The following NIPBL variants were observed in gnomAD, a reference collection of about 807,000 sequenced individuals.
NIPBL encodes the protein NIPBL cohesin loading factor, also known as nipped-B-like protein.
A neutral mutation model predicts 321.8 loss-of-function variants in NIPBL; 19 were observed. The observed-to-expected ratio is 0.06, with a 90% CI of 0.04 to 0.09. The LOEUF (loss-of-function observed/expected upper bound fraction) is 0.09, where lower values mean the gene tolerates loss of function less well. Among genes scored for constraint, NIPBL ranks in the 10% least tolerant of loss-of-function variants. The pLI is 1.00. For missense variants in NIPBL, 2,210 were observed against 3,327.0 expected, an observed-to-expected ratio of 0.66 and a Z score of 8.26; for synonymous variants, 1,106 against 1,114.1, an observed-to-expected ratio of 0.99 and a Z score of 0.14.
chr5:36,934,104 T>C (rs1320846890), intron 1 of NIPBL, among the ~76,000 whole-genome samples: 1 of 152,114 alleles, frequency 6.6e-6, no homozygotes, highest in Non-Finnish European at 1.5e-5. Context: ...ATGAACTTGC[T>C]CAGCATCCAG....
intron 4 of NIPBL, among the ~76,000 whole-genome samples, chr5:36,960,241 C>T (rs902320911): frequency 2.0e-5 from 3 of 151,888 alleles, no homozygotes; most frequent in South Asian, 2.1e-4. Flanking sequence ...TTCATTTACC[C>T]GTTTTATTTA....
At chr5:36,898,669 G>A (rs752932439) in intron 1 of NIPBL, among the ~76,000 whole-genome samples, 47 of 151,972 alleles carry the variant, frequency 3.1e-4, no homozygotes, top group South Asian at 6.3e-4. Context: ...GCGCCATCAC[G>A]CCCACCCAAT....
chr5:37,022,012 A>G lies in NIPBL; in HGVS notation c.5329-39A>G, dbSNP rs372619893. On this transcript the variant is annotated intron_variant, in intron 27 of 46. Coordinates refer to ENST00000282516, the MANE Select transcript of NIPBL (RefSeq NM_133433.4). Reference sequence around the variant, plus strand: ...TGCTATTTTTAATTAAATTTTATGTATTCTAAAATTTACAAAAATGTCAAT... The same window carrying G: ...TGCTATTTTTAATTAAATTTTATGTGTTCTAAAATTTACAAAAATGTCAAT... The G allele has an allele frequency of 1.3e-4, 189 of 1,463,814 alleles. No individual in the cohort carries two copies. In the Middle Eastern group the frequency reaches 1.6e-3, roughly 12 times the overall value. The allele number at this position is 1,463,814 out of a possible 1,614,324, so 90.7% of individuals were successfully genotyped here.
At position 37,044,501 on chromosome 5, in the gene NIPBL, T is replaced by G. The variant is rs2149730972; in HGVS notation, c.6249+14T>G. ...TATGGCATGACTGTAAGCACTCAGT[T>G]TACCATTTCTTTATTCATTAGTGTA... On this transcript the variant is annotated intron_variant, in intron 35 of 46. Transcript: ENST00000282516. The G allele has an allele frequency of 6.2e-7, 1 of 1,612,794 alleles. No individual in the cohort carries two copies.
chr5:36,946,071 T>C (rs1042917912), intron 1 of NIPBL, among the ~76,000 whole-genome samples: 2 of 152,244 alleles, frequency 1.3e-5, no homozygotes, highest in Non-Finnish European at 2.9e-5. Flanking sequence ...AATAAAAATA[T>C]ACTAGTTTAA....
intron 1 of NIPBL, among the ~76,000 whole-genome samples, chr5:36,904,270 C>T (rs1014023690): frequency 2.0e-5 from 3 of 152,274 alleles, no homozygotes; most frequent in Non-Finnish European, 4.4e-5. Flanking sequence ...GGAGTTTGAG[C>T]CCAGCCTGGC....
chr5:36,983,780 A>G (rs1042588236), intron 9 of NIPBL, among the ~76,000 whole-genome samples: 2 of 151,944 alleles, frequency 1.3e-5, no homozygotes, highest in African/African-American at 4.8e-5. Context: ...AAATACCTTC[A>G]CATTTTATTG....
intron 1 of NIPBL, among the ~76,000 whole-genome samples, chr5:36,944,847 G>A (rs571765949): frequency 6.6e-6 from 1 of 151,968 alleles, no homozygotes; most frequent in Non-Finnish European, 1.5e-5. Flanking sequence ...CCTTTTCCTT[G>A]TATATTGCAG....
intron 8 of NIPBL, among the ~76,000 whole-genome samples, chr5:36,972,653 C>T (rs1482112727): frequency 1.3e-5 from 2 of 152,116 alleles, no homozygotes; most frequent in Non-Finnish European, 1.5e-5. Flanking sequence ...TCATACCTAG[C>T]GGATATTTCC....
chr5:36,885,834 T>C, intron 1 of NIPBL: 1 of 687,788 alleles, frequency 1.5e-6, no homozygotes. Context: ...GAGGAGCTGC[T>C]CTTAATGAAG....
intron 22 of NIPBL, 47 bp from the exon 23 acceptor site, chr5:37,015,991 A>G (rs370405939): frequency 2.8e-5 from 45 of 1,602,360 alleles, no homozygotes; most frequent in Non-Finnish European, 3.6e-5. Context: ...GATGACTGAC[A>G]TGTGTCACCT....
chr5:36,934,549 A>C (rs1040070361), intron 1 of NIPBL, among the ~76,000 whole-genome samples: 8 of 152,172 alleles, frequency 5.3e-5, no homozygotes, highest in Non-Finnish European at 7.4e-5. Context: ...CAGTGGGTCA[A>C]CTTTACAGTT....
Position 36,975,282 on chromosome 5 carries a change from T to C in NIPBL, c.869-494T>C, listed in dbSNP as rs1743315432. ...TAAATTGACCACTTGCTTTTTGTTA[T>C]CATCCCAGTAGTATTCATGTAAGAT... On this transcript the variant is annotated intron_variant, in intron 8 of 46. Transcript: ENST00000282516. Among the ~76,000 whole-genome samples the C allele has an allele frequency of 2.0e-5, 3 of 152,140 alleles. No homozygotes were observed. The South Asian group carries it at 6.2e-4, about 31-fold the overall frequency.
At chr5:36,943,192 A>T (rs1739305000) in intron 1 of NIPBL, among the ~76,000 whole-genome samples, 1 of 152,210 alleles carries the variant, frequency 6.6e-6, no homozygotes, top group East Asian at 1.9e-4. Context: ...AGTAAGGTTT[A>T]GTAAGCTTTC....
intron 1 of NIPBL, among the ~76,000 whole-genome samples, chr5:36,951,240 G>A (rs1249057342): frequency 1.3e-5 from 2 of 151,996 alleles, no homozygotes; most frequent in Non-Finnish European, 2.9e-5. Context: ...GTCATTTTTA[G>A]GCTAAAAATC....
chr5:37,038,558 C>T (rs1019760311), intron 33 of NIPBL, 44 bp from the exon 34 acceptor site: 4 of 1,584,262 alleles, frequency 2.5e-6, no homozygotes, highest in South Asian at 2.2e-5. Context: ...GTTTCCACTA[C>T]CTTGTCATAT....
chr5:37,051,958 T>C (rs2149741710), intron 41 of NIPBL, 72 bp downstream of exon 41: 1 of 1,033,826 alleles, frequency 9.7e-7, no homozygotes, highest in South Asian at 1.3e-5. Context: ...TGATAAATGC[T>C]CTGCCCACAT....
chr5:37,001,866 G>C (rs994385857), intron 14 of NIPBL, among the ~76,000 whole-genome samples: 7 of 152,170 alleles, frequency 4.6e-5, no homozygotes, highest in African/African-American at 1.7e-4. Context: ...GCCACCTTCA[G>C]CTGGTAAAGT....
intron 1 of NIPBL, among the ~76,000 whole-genome samples, chr5:36,931,422 A>T (rs1749767614): frequency 6.6e-6 from 1 of 151,858 alleles, no homozygotes; most frequent in South Asian, 2.1e-4. Context: ...GGCTCAAGTG[A>T]TCTTCCCACC....
Sources: gnomAD v4.1 joint callset for allele counts (sites outside exome capture counted in the v4.1 genomes callset) on GRCh38, gnomAD v4.1.1 for gene constraint, MANE v1.5 for transcripts, NCBI Gene and HGNC (gene_info 2026-07-23, HGNC 2026-07-21) for gene names.